The following CDS1 variants were observed in gnomAD, a reference collection of about 807,000 sequenced individuals.
The protein encoded by CDS1 is CDP-diacylglycerol synthase 1.
Under a neutral mutation model 62.1 loss-of-function variants are expected in CDS1, and 41 were observed. The ratio of observed to expected loss-of-function variants is 0.66; its 90% CI spans 0.51 to 0.86. The LOEUF (loss-of-function observed/expected upper bound fraction) is 0.86. CDS1 is among the 40% of genes least tolerant of loss of function. The probability of loss-of-function intolerance (pLI) is 0.00; values close to 1 mark genes in which losing one functional copy is unlikely to be tolerated. For synonymous variants in CDS1, 185 were observed against 192.6 expected (o/e 0.96, Z 0.32); for missense variants, 470 against 550.1 (o/e 0.85, Z 1.46).
chr4:84,587,939 CAA>C (rs1371693688), intron 1 of CDS1, among the ~76,000 whole-genome samples: 2 of 152,264 alleles, frequency 1.3e-5, no homozygotes, highest in Non-Finnish European at 2.9e-5. Context: ...TAGATCCAGA[CAA>C]GAGAGAACCT....
intron 1 of CDS1, among the ~76,000 whole-genome samples, chr4:84,586,864 CAG>C (rs1034477478): frequency 2.0e-5 from 3 of 152,056 alleles, no homozygotes; most frequent in African/African-American, 7.2e-5. Context: ...ACTAGAGAGA[CAG>C]GAGGATTAAT....
chr4:84,643,257 A>G (rs1002796082), intron 11 of CDS1, 114 bp downstream of exon 11: 5 of 939,982 alleles, frequency 5.3e-6, no homozygotes, highest in Non-Finnish European at 7.9e-6. Context: ...CAACTTTTAT[A>G]TCCTATTTGT....
chr4:84,590,552 G>C (rs955443523), intron 1 of CDS1, among the ~76,000 whole-genome samples: 3 of 152,174 alleles, frequency 2.0e-5, no homozygotes, highest in Admixed American at 6.5e-5. Context: ...CTTTGGATGT[G>C]TACCACAGTG....
At chr4:84,604,456 G>A in intron 2 of CDS1, 86 bp downstream of exon 2, 3 of 1,399,454 alleles carry the variant, frequency 2.1e-6, no homozygotes, top group African/African-American at 1.4e-5. Flanking sequence ...TTGGCTTTTT[G>A]TAAGTTTTCC....
At chr4:84,641,537 A>T (rs1328129099) in intron 10 of CDS1, among the ~76,000 whole-genome samples, 5 of 152,258 alleles carry the variant, frequency 3.3e-5, no homozygotes, top group African/African-American at 1.2e-4. Flanking sequence ...TGTGTTTCTC[A>T]TATCACTGAC....
At chr4:84,604,589 G>A (rs1311301602) in intron 2 of CDS1, among the ~76,000 whole-genome samples, 1 of 152,178 alleles carries the variant, frequency 6.6e-6, no homozygotes, top group Non-Finnish European at 1.5e-5. Flanking sequence ...GAGGTTAATT[G>A]TTGAAGGCTA....
In CDS1 at chr4:84,583,226, T is replaced by G; in HGVS notation, c.-176T>G. 2.9e-5 allele frequency: 15 copies of G among 519,426 alleles called. No individual in the cohort carries two copies. The highest frequency in any genetic ancestry group is 7.5e-5 in the East Asian group (2 of 26,712). 32.2% of individuals were successfully genotyped at this position (519,426 alleles called of 1,614,324 possible). ...TCGAGCGCTCTCTCGTTGATGCCGT[T>G]TTGGAGGTGACCGGCGCGGCGGCCG... On this transcript the variant is annotated 5_prime_UTR_variant, in exon 1 of 13. Transcript: ENST00000295887.
At chr4:84,633,219 A>G (rs976109490) in intron 6 of CDS1, among the ~76,000 whole-genome samples, 1 of 152,224 alleles carries the variant, frequency 6.6e-6, no homozygotes, top group East Asian at 1.9e-4. Flanking sequence ...CGTACATGGA[A>G]ACCATATTGA....
At chr4:84,592,154 ATTTTTTTTTT>A (rs72236126) in intron 1 of CDS1, among the ~76,000 whole-genome samples, 22 of 86,044 alleles carry the variant, frequency 2.6e-4, no homozygotes, top group East Asian at 1.6e-3. Flanking sequence ...TTAATGACCA[ATTTTTTTTTT>A]TTTTTTTTTT....
At chr4:84,625,067 C>T (rs192571888) in intron 5 of CDS1, among the ~76,000 whole-genome samples, 108 of 152,154 alleles carry the variant, frequency 7.1e-4, no homozygotes, top group African/African-American at 2.6e-3. Flanking sequence ...CACTATGTTG[C>T]TCAGGCTGGT....
At chr4:84,640,764 G>A (rs1367803425) in intron 9 of CDS1, 74 bp from the exon 10 acceptor site, 1 of 1,197,220 alleles carries the variant, frequency 8.4e-7, no homozygotes, top group Non-Finnish European at 1.1e-6. Context: ...TAACTTAAAA[G>A]ATATATGTTT....
intron 1 of CDS1, among the ~76,000 whole-genome samples, chr4:84,590,068 C>A (rs528502843): frequency 6.6e-6 from 1 of 152,160 alleles, no homozygotes; most frequent in African/African-American, 2.4e-5. Context: ...GCCTTGGCCT[C>A]CCAAAGTGCT....
At chr4:84,628,639 C>T (rs966039051) in intron 5 of CDS1, among the ~76,000 whole-genome samples, 5 of 152,130 alleles carry the variant, frequency 3.3e-5, no homozygotes, top group African/African-American at 1.2e-4. Context: ...CTCAAGTGAT[C>T]CTCCAGCCTC....
rs371127772 is a variant in CDS1, at chr4:84,648,727, C to T, written c.*41C>T. 6.4e-7 allele frequency: 1 copy of T among 1,560,506 alleles called. No homozygotes were observed. Among genetic ancestry groups the T allele is most frequent in the Non-Finnish European group, 8.7e-7 (1 of 1,150,654 alleles). On this transcript the variant is annotated 3_prime_UTR_variant, in exon 13 of 13. Coordinates refer to ENST00000295887, the MANE Select transcript of CDS1 (RefSeq NM_001263.4). ...GAAGGACTGACAAGAAGGAATTATT[C>T]AGAAAAACACTGACAGATGTTTTAT...
chr4:84,599,397 CACACACACAT>C (rs1722851470), intron 1 of CDS1, among the ~76,000 whole-genome samples: 1 of 13,150 alleles, frequency 7.6e-5, no homozygotes, highest in South Asian at 4.7e-3. Context: ...AATTTTGACA[CACACACACAT>C]ATATATATAT....
chr4:84,645,919 G>C (rs1049942284), intron 12 of CDS1, among the ~76,000 whole-genome samples: 1 of 152,142 alleles, frequency 6.6e-6, no homozygotes, highest in Non-Finnish European at 1.5e-5. Flanking sequence ...GCTGGTGGAT[G>C]GGTGGATGAA....
chr4:84,614,556 A>T (rs984756062), intron 3 of CDS1, among the ~76,000 whole-genome samples: 3 of 152,318 alleles, frequency 2.0e-5, no homozygotes, highest in African/African-American at 7.2e-5. Context: ...GCAAAGTGAA[A>T]ATAGACACTT....
At chr4:84,600,553 C>G (rs1476385624) in intron 1 of CDS1, among the ~76,000 whole-genome samples, 1 of 152,042 alleles carries the variant, frequency 6.6e-6, no homozygotes, top group Non-Finnish European at 1.5e-5. Context: ...TGTGCCAGTA[C>G]CATGTATAGA....
At chr4:84,597,592 T>C (rs1009275492) in intron 1 of CDS1, among the ~76,000 whole-genome samples, 2 of 152,118 alleles carry the variant, frequency 1.3e-5, no homozygotes, top group Non-Finnish European at 2.9e-5. Context: ...TGAGTCATGA[T>C]AGTGCACTGC....
Sources: gnomAD v4.1 joint callset for allele counts (sites outside exome capture counted in the v4.1 genomes callset) on GRCh38, gnomAD v4.1.1 for gene constraint, MANE v1.5 for transcripts, NCBI Gene and HGNC (gene_info 2026-07-23, HGNC 2026-07-21) for gene names.